SIK3: variants seen among roughly 807,000 people sequenced by gnomAD.
The protein encoded by SIK3 is SIK family kinase 3, also known as serine/threonine-protein kinase SIK3.
Under a neutral mutation model 144.2 loss-of-function variants are expected in SIK3, and 28 were observed. The ratio of observed to expected loss-of-function variants is 0.19; its 90% CI spans 0.14 to 0.27. The LOEUF is 0.27. Among genes scored for constraint, SIK3 ranks in the 10% least tolerant of loss-of-function variants. The pLI is 1.00. For missense variants in SIK3, 1,319 were observed against 1,776.0 expected, an observed-to-expected ratio of 0.74 and a Z score of 4.62; for synonymous variants, 686 against 676.3, an observed-to-expected ratio of 1.01 and a Z score of -0.22.
At chr11:116,888,767 G>A (rs1435065474) in intron 6 of SIK3, among the ~76,000 whole-genome samples, 3 of 152,210 alleles carry the variant, frequency 2.0e-5, no homozygotes, top group Non-Finnish European at 1.5e-5. Flanking sequence ...GAGCGACTAC[G>A]TTTAGGATAA....
At chr11:117,008,298 T>C (rs755922114) in intron 1 of SIK3, among the ~76,000 whole-genome samples, 16 of 152,088 alleles carry the variant, frequency 1.1e-4, no homozygotes, top group African/African-American at 2.7e-4. Flanking sequence ...AGAACCCCAA[T>C]AGATGGGTAA....
At position 116,859,578 on chromosome 11, in the gene SIK3, C is replaced by G; in HGVS notation, c.2452G>C (p.Gly818Arg). 1.2e-6 allele frequency: 2 copies of G among 1,614,006 alleles called. No individual in the cohort carries two copies. The highest frequency in any genetic ancestry group is 1.3e-5 in the African/African-American group (1 of 75,038). The change falls in exon 20 of 25, where the codon GGC becomes CGC. Residue 818 changes from glycine (G) to arginine (R), a missense_variant. Around this residue, in one of 8 missense-constraint regions of SIK3, gnomAD observed 646 missense variants for 763.7 expected, o/e 0.85. Coordinates refer to ENST00000445177, the MANE Select transcript of SIK3 (RefSeq NM_001366686.3). ...HGAASSSQFQ[G>R]LPSRSAIFQQ... ...AAGATTGCACTGCGGGAAGGTAAGC[C>G]TTGAAACTGGGAAGAAGATGCAGCC...
At chr11:116,896,452 C>A in intron 5 of SIK3, 76 bp from the exon 6 acceptor site, 2 of 1,501,884 alleles carry the variant, frequency 1.3e-6, no homozygotes, top group Admixed American at 1.9e-5. Context: ...TGTGTGTATG[C>A]AGATGATGGT....
intron 1 of SIK3, among the ~76,000 whole-genome samples, chr11:117,078,529 C>T (rs1954651976): frequency 6.6e-6 from 1 of 151,216 alleles, no homozygotes; most frequent in African/African-American, 2.4e-5. Context: ...AGTCTCCTGC[C>T]TCAGCCTCCC....
chr11:116,925,004 G>T (rs1197388403), intron 4 of SIK3, among the ~76,000 whole-genome samples: 1 of 152,130 alleles, frequency 6.6e-6, no homozygotes. Context: ...TTAAAATGGG[G>T]AGATGAGGAC....
chr11:116,948,610 C>T (rs1591403224), intron 3 of SIK3, among the ~76,000 whole-genome samples: 1 of 152,136 alleles, frequency 6.6e-6, no homozygotes, highest in East Asian at 1.9e-4. Flanking sequence ...TAGTAATGTT[C>T]CTTTCTTTCA....
intron 1 of SIK3, among the ~76,000 whole-genome samples, chr11:117,062,902 A>G (rs1369658105): frequency 6.6e-6 from 1 of 152,240 alleles, no homozygotes; most frequent in Non-Finnish European, 1.5e-5. Context: ...ATCAGACAGC[A>G]TGGAAAAAAA....
chr11:116,855,223 C>G (rs924105061), intron 21 of SIK3: 1 of 152,162 alleles, frequency 6.6e-6, no homozygotes, highest in Non-Finnish European at 1.5e-5. Flanking sequence ...GCCAAGCCTG[C>G]TGCTGTCCTT....
At chr11:117,033,143 T>C (rs1296700363) in intron 1 of SIK3, among the ~76,000 whole-genome samples, 1 of 152,132 alleles carries the variant, frequency 6.6e-6, no homozygotes, top group Non-Finnish European at 1.5e-5. Flanking sequence ...TGCACTGGTG[T>C]TTGTTCTCTT....
intron 12 of SIK3, 120 bp downstream of exon 12, chr11:116,873,783 A>G: frequency 6.8e-7 from 1 of 1,476,902 alleles, no homozygotes; most frequent in East Asian, 2.3e-5. Context: ...GCTACTTTGC[A>G]AGATAAATCA....
rs958799182 is a variant in SIK3 at position 116,984,810 on chromosome 11, C to G, written c.274-27746G>C. Among the ~76,000 whole-genome samples the G allele has an allele frequency of 2.6e-5, 4 of 152,132 alleles. No individual in the cohort carries two copies. The South Asian group carries it at 8.3e-4, about 31-fold the overall frequency. On this transcript the variant is annotated intron_variant, in intron 1 of 24. Coordinates refer to ENST00000445177, the MANE Select transcript of SIK3 (RefSeq NM_001366686.3). ...CGCAATTTGTGGTTTCTTCTCATAA[C>G]TGAAGAAATTAATAGCTTTTGGATA... is the stretch of plus-strand genomic sequence containing the variant.
intron 1 of SIK3, among the ~76,000 whole-genome samples, chr11:117,082,979 G>A (rs902039861): frequency 2.0e-5 from 3 of 152,062 alleles, no homozygotes; most frequent in Non-Finnish European, 4.4e-5. Flanking sequence ...TGGAAAAACA[G>A]AAAACCTATT....
intron 21 of SIK3, among the ~76,000 whole-genome samples, chr11:116,851,791 C>A (rs534645092): frequency 1.2e-4 from 19 of 152,364 alleles, no homozygotes; most frequent in African/African-American, 4.3e-4. Context: ...GCACTGCTCG[C>A]ATGTTGGCGC....
At chr11:117,091,105 G>A (rs1955223185) in intron 1 of SIK3, among the ~76,000 whole-genome samples, 1 of 151,106 alleles carries the variant, frequency 6.6e-6, no homozygotes, top group African/African-American at 2.4e-5. Context: ...AAGACTCCGG[G>A]AAAATGGGAG....
intron 1 of SIK3, among the ~76,000 whole-genome samples, chr11:117,094,348 T>TA (rs1955378121): frequency 6.6e-6 from 1 of 152,202 alleles, no homozygotes; most frequent in African/African-American, 2.4e-5. Flanking sequence ...CTCATGCCTG[T>TA]AATCCCAGCA....
At chr11:117,007,806 A>G (rs535649001) in intron 1 of SIK3, among the ~76,000 whole-genome samples, 1 of 152,262 alleles carries the variant, frequency 6.6e-6, no homozygotes, top group East Asian at 1.9e-4. Flanking sequence ...ACTGCCACCC[A>G]GGTGTGCTGG....
At chr11:117,000,033 T>C (rs767077338) in intron 1 of SIK3, among the ~76,000 whole-genome samples, 4 of 152,210 alleles carry the variant, frequency 2.6e-5, no homozygotes, top group Non-Finnish European at 5.9e-5. Context: ...ATTTGTTTGA[T>C]TGTGCATGAT....
intron 3 of SIK3, among the ~76,000 whole-genome samples, chr11:116,938,617 GGAGGGGAGGAGAGGAGAGGA>G (rs1948110779): frequency 3.4e-5 from 1 of 28,992 alleles, no homozygotes; most frequent in Admixed American, 2.9e-4. Flanking sequence ...AGAGGAGAGG[GGAGGGGAGGAGAGGAGAGGA>G]GAGGAGAGGA....
intron 1 of SIK3, among the ~76,000 whole-genome samples, chr11:116,969,223 G>C (rs1025028138): frequency 2.0e-5 from 3 of 149,894 alleles, no homozygotes; most frequent in Non-Finnish European, 4.4e-5. Context: ...CCAGGAGGCG[G>C]AGCTTGCAGT....
Sources: gnomAD v4.1 joint callset for allele counts (sites outside exome capture counted in the v4.1 genomes callset) on GRCh38, gnomAD v4.1.1 for gene constraint, gnomAD v4.1.1 regional missense constraint, MANE v1.5 for transcripts, NCBI Gene and HGNC (gene_info 2026-07-23, HGNC 2026-07-21) for gene names.